ATAD3B: variants seen among roughly 807,000 people sequenced by gnomAD.
ATAD3B encodes the protein ATPase family AAA domain-containing protein 3B.
Under a neutral mutation model 70.2 loss-of-function variants are expected in ATAD3B, and 59 were observed. The ratio of observed to expected loss-of-function variants is 0.84; its 90% confidence interval spans 0.68 to 1.04. ATAD3B has a LOEUF of 1.04. Among genes scored for constraint, ATAD3B ranks in the 50% least tolerant of loss-of-function variants. The probability of loss-of-function intolerance (pLI) is 0.00; values close to 1 mark genes in which losing one functional copy is unlikely to be tolerated. For synonymous variants in ATAD3B, 423 were observed against 388.6 expected (o/e 1.09, Z -1.04); for missense variants, 961 against 913.4 (o/e 1.05, Z -0.67).
chr1:1,490,414 G>A lies in ATAD3B; in HGVS notation c.1495G>A (p.Glu499Lys). Residue 499 changes from glutamate (E) to lysine (K), a missense_variant, in exon 14 of 16, where the codon GAA becomes AAA. Coordinates refer to ENST00000673477, the MANE Select transcript of ATAD3B (RefSeq NM_031921.6). The part of the protein sequence containing the change: ...FDNCVLKPAT[E>K]GKRRLKLAQF... ...CAACTGTGTTCTTAAGCCGGCCACA[G>A]AAGGAAAACGGTGAGTGTCCCGCCT... is the stretch of plus-strand genomic sequence containing the variant. 6.2e-7 allele frequency: 1 copy of A among 1,613,386 alleles called. No individual in the cohort carries two copies. The highest frequency in any genetic ancestry group is 1.1e-5 in the South Asian group (1 of 91,024).
chr1:1,476,488 C>A (rs1308982025), intron 1 of ATAD3B, among the ~76,000 whole-genome samples: 2 of 151,114 alleles, frequency 1.3e-5, no homozygotes, highest in Admixed American at 1.3e-4. Flanking sequence ...TCCCTGCCTA[C>A]TTTACACGTC....
chr1:1,486,111 C>T lies in ATAD3B; in HGVS notation c.965C>T (p.Pro322Leu), dbSNP rs1640200154. Residue 322 changes from proline (P) to leucine (L), a missense_variant and splice_region_variant, in exon 10 of 16, where the codon CCC becomes CTC. Physicochemically the swap from Pro to Leu is moderately conservative, Grantham distance 98. Coordinates refer to ENST00000673477, the MANE Select transcript of ATAD3B (RefSeq NM_031921.6). ...CCAAACCCCCGTCTTCCCCGGCAGC[C>T]CAGCCTGGAAGCACGGGTGCGCGAC... ...QDVLEGVVLS[P>L]SLEARVRDIA... 5.0e-6 allele frequency: 8 copies of T among 1,613,128 alleles called. No homozygotes were observed. The highest frequency in any genetic ancestry group is 6.8e-6 in the Non-Finnish European group (8 of 1,179,660).
Position 1,496,354 on chromosome 1 carries a change from C to A in ATAD3B, c.*537C>A. Reference sequence around the variant, plus strand: ...GGTGTGCTTCACATCAGCCTCGCGCCACATCCGAGTTGGGGTCTGAATGCT... The same window carrying A: ...GGTGTGCTTCACATCAGCCTCGCGCAACATCCGAGTTGGGGTCTGAATGCT... On this transcript the variant is annotated 3_prime_UTR_variant, in exon 16 of 16. Transcript: ENST00000673477. 1.4e-6 allele frequency: 1 copy of A among 692,290 alleles called. No individual in the cohort carries two copies. The highest frequency in any genetic ancestry group is 1.8e-6 in the Non-Finnish European group (1 of 561,794). The allele number at this position is 692,290 out of a possible 1,614,324, so 42.9% of individuals were successfully genotyped here.
chr1:1,478,567 C>A lies in ATAD3B; in HGVS notation c.283-77C>A, dbSNP rs1237817729. On this transcript the variant is annotated intron_variant, in intron 2 of 15. Coordinates refer to ENST00000673477, the MANE Select transcript of ATAD3B (RefSeq NM_031921.6). ...GCACGGAGTCTCTGCCGTGCCGGAG[C>A]TGTGCAGACACAGGAGCGGCTGTCA... is the stretch of plus-strand genomic sequence containing the variant. 9 of 1,550,678 alleles carry A rather than the reference C, an allele frequency of 5.8e-6. No individual in the cohort carries two copies. The East Asian group carries it at 2.2e-4, about 38-fold the overall frequency.
At chr1:1,472,313 A>G (rs1157059514) in intron 1 of ATAD3B, among the ~76,000 whole-genome samples, 1 of 151,954 alleles carries the variant, frequency 6.6e-6, no homozygotes, top group Non-Finnish European at 1.5e-5. Flanking sequence ...TCAGGTGCGA[A>G]AAGCGGTGCG....
the ATAD3B span, among the ~76,000 whole-genome samples, chr1:1,508,791 T>A: frequency 6.6e-6 from 1 of 151,390 alleles, no homozygotes; most frequent in Non-Finnish European, 1.5e-5. Flanking sequence ...GGGCAGTGGC[T>A]GCCTCTGCCC....
At position 1,486,178 on chromosome 1, in the gene ATAD3B, G is replaced by C. The variant is rs769896583; in HGVS notation, c.1032G>C (p.Leu344=). 2.9e-5 allele frequency: 47 copies of C among 1,613,276 alleles called. 1 individual carries two copies. In the Admixed American group the frequency reaches 6.5e-4, roughly 22 times the overall value. The part of the protein sequence containing the change: ...ATRNTKKNRG[L]YRHILLYGPP... ...GGAACACCAAGAAGAACCGGGGCCT[G>C]TACAGGCACATCCTGCTGTATGGGC... is the stretch of plus-strand genomic sequence containing the variant. Residue 344 remains leucine (L), a synonymous_variant, in exon 10 of 16, where the codon CTG becomes CTC. Coordinates refer to ENST00000673477, the MANE Select transcript of ATAD3B (RefSeq NM_031921.6).
chr1:1,485,569 G>A (rs1190889916), intron 8 of ATAD3B, among the ~76,000 whole-genome samples: 1 of 152,098 alleles, frequency 6.6e-6, no homozygotes, highest in Non-Finnish European at 1.5e-5. Flanking sequence ...AGGTGGTTAA[G>A]AAAATAAAAG....
chr1:1,494,913 G>A (rs932184338), intron 15 of ATAD3B, among the ~76,000 whole-genome samples: 7 of 152,054 alleles, frequency 4.6e-5, no homozygotes, highest in South Asian at 2.1e-4. Context: ...CGACCTGTCC[G>A]TGGCAGAAGG....
At chr1:1,486,338 GC>G in intron 10 of ATAD3B, 103 bp downstream of exon 10, 1 of 1,599,692 alleles carries the variant, frequency 6.3e-7, no homozygotes, top group South Asian at 1.1e-5. Flanking sequence ...CCCCCCTTAG[GC>G]CTTTGCCTAC....
chr1:1,490,230 G>GTTTCC (rs1553207243), intron 13 of ATAD3B, 27 bp from the exon 14 acceptor site: 1 of 1,603,120 alleles, frequency 6.2e-7, no homozygotes, highest in Non-Finnish European at 8.5e-7. Flanking sequence ...CAGCCCCAGC[G>GTTTCC]TTTCCTTCCC....
At chr1:1,482,466 G>A (rs1304173838) in intron 6 of ATAD3B, 79 bp from the exon 7 acceptor site, 2 of 1,610,012 alleles carry the variant, frequency 1.2e-6, no homozygotes, top group Non-Finnish European at 8.5e-7. Context: ...GCCATGTCAG[G>A]GCCTCACCCT....
chr1:1,492,191 CTG>C (rs1252468195), intron 15 of ATAD3B, among the ~76,000 whole-genome samples: 3 of 151,678 alleles, frequency 2.0e-5, no homozygotes, highest in East Asian at 3.9e-4. Context: ...GTCTTAAAAA[CTG>C]AGAATAATTT....
downstream of ATAD3B, among the ~76,000 whole-genome samples, chr1:1,500,951 C>CG (rs1463955741): frequency 3.9e-5 from 6 of 152,158 alleles, no homozygotes; most frequent in East Asian, 3.9e-4. Flanking sequence ...AGTGAGACTC[C>CG]TCTCAAAAGC....
At chr1:1,491,373 A>G (rs897777406) in intron 15 of ATAD3B, among the ~76,000 whole-genome samples, 4 of 151,970 alleles carry the variant, frequency 2.6e-5, no homozygotes, top group African/African-American at 9.7e-5. Context: ...TCTACTAAAA[A>G]TACAAAAATT....
At chr1:1,508,613 G>C in the ATAD3B span, among the ~76,000 whole-genome samples, 1 of 151,478 alleles carries the variant, frequency 6.6e-6, no homozygotes, top group Non-Finnish European at 1.5e-5. Flanking sequence ...AGGATGGAGA[G>C]TGACCTGTCT....
At chr1:1,495,425 G>T (rs878866022) in intron 15 of ATAD3B, 60 bp from the exon 16 acceptor site, 6 of 1,536,778 alleles carry the variant, frequency 3.9e-6, no homozygotes, top group Admixed American at 4.0e-5. Context: ...GGGCCCTGGC[G>T]TGCATTAAGG....
intron 1 of ATAD3B, among the ~76,000 whole-genome samples, chr1:1,475,469 C>T (rs900406269): frequency 6.6e-5 from 10 of 151,092 alleles, no homozygotes; most frequent in African/African-American, 9.7e-5. Flanking sequence ...CGCCGAGATT[C>T]GCCCGTTGCT....
chr1:1,493,243 TTTC>T (rs1640625409), intron 15 of ATAD3B, among the ~76,000 whole-genome samples: 3 of 152,004 alleles, frequency 2.0e-5, no homozygotes, highest in South Asian at 4.2e-4. Context: ...GACTTTTCTT[TTTC>T]TTGTCCCATA....
Sources: allele counts gnomAD v4.1 joint callset (sites outside exome capture counted in the v4.1 genomes callset), GRCh38; gene constraint gnomAD v4.1.1; transcripts MANE v1.5; gene names NCBI Gene and HGNC (gene_info 2026-07-23, HGNC 2026-07-21).